Variants in OPHN1 observed in about 807,000 individuals in gnomAD.
OPHN1 encodes the protein oligophrenin-1.
A neutral mutation model predicts 60.7 loss-of-function variants in OPHN1; 11 were observed. That is an observed-to-expected ratio of 0.18 (90% confidence interval 0.11 to 0.30). The LOEUF (loss-of-function observed/expected upper bound fraction) is 0.30. Ranked by LOEUF, OPHN1 falls within the 10% of genes least tolerant of loss-of-function variation. The pLI, the probability that OPHN1 is intolerant of heterozygous loss-of-function variation, is 1.00. For synonymous variants in OPHN1, 226 were observed against 222.6 expected, an observed-to-expected ratio of 1.02 and a Z score of -0.14; for missense variants, 449 against 611.0, an observed-to-expected ratio of 0.73 and a Z score of 2.80.
At chrX:68,251,958 T>C (rs1357393996) in intron 5 of OPHN1, among the ~76,000 whole-genome samples, 2 of 112,391 alleles carry the variant, frequency 1.8e-5, no homozygotes, top group African/African-American at 6.5e-5. Flanking sequence ...TTTCACCTCC[T>C]TACTGATGTT....
At chrX:68,348,536 C>CA (rs751968651) in intron 2 of OPHN1, among the ~76,000 whole-genome samples, 29,996 of 103,298 alleles carry the variant, frequency 0.29, 4,987 homozygotes, top group African/African-American at 0.63. Context: ...TAGAATATGT[C>CA]AAAAAAAAAA....
intron 3 of OPHN1, among the ~76,000 whole-genome samples, chrX:68,294,950 G>A (rs1446031051): frequency 8.0e-5 from 9 of 111,815 alleles, no homozygotes; most frequent in East Asian, 2.8e-4. Flanking sequence ...AATATAAACC[G>A]CTGTTTCATT....
At chrX:68,334,029 C>G (rs190355522) in intron 2 of OPHN1, among the ~76,000 whole-genome samples, 1 of 108,892 alleles carries the variant, frequency 9.2e-6, no homozygotes, top group East Asian at 2.9e-4. Flanking sequence ...TCCCAAGAAG[C>G]TGGGACTACA....
chrX:68,139,462 G>T (rs1002668059), intron 15 of OPHN1, among the ~76,000 whole-genome samples: 2 of 111,176 alleles, frequency 1.8e-5, no homozygotes, highest in African/African-American at 6.5e-5. Context: ...GTTATTTTTT[G>T]ATAATTGTTG....
chrX:68,067,136 T>C (rs932643457), intron 20 of OPHN1, among the ~76,000 whole-genome samples: 4 of 111,669 alleles, frequency 3.6e-5, no homozygotes, highest in Non-Finnish European at 7.5e-5. Context: ...TGCAAATAAG[T>C]GCTAGGAGTA....
intron 15 of OPHN1, among the ~76,000 whole-genome samples, chrX:68,147,082 C>T (rs1020398004): frequency 8.9e-6 from 1 of 111,789 alleles, no homozygotes; most frequent in African/African-American, 3.2e-5. Context: ...AACTGCAAGA[C>T]CCCTTCACCC....
chrX:68,253,572 T>C (rs1350298024), intron 5 of OPHN1, among the ~76,000 whole-genome samples: 1 of 111,887 alleles, frequency 8.9e-6, no homozygotes, highest in African/African-American at 3.3e-5. Context: ...ACTAATAACT[T>C]TGAAGGTCTC....
At chrX:68,394,479 T>A (rs2078672917) in intron 2 of OPHN1, among the ~76,000 whole-genome samples, 2 of 112,163 alleles carry the variant, frequency 1.8e-5, no homozygotes, top group African/African-American at 6.5e-5. Context: ...TTTATCTAGT[T>A]AACAAAAAAT....
intron 3 of OPHN1, among the ~76,000 whole-genome samples, chrX:68,297,232 A>G (rs1323262060): frequency 4.5e-5 from 5 of 111,978 alleles, no homozygotes; most frequent in African/African-American, 1.6e-4. Flanking sequence ...AATACCTAAC[A>G]TTCATTTAGA....
At chrX:68,244,086 C>T (rs1256240158) in intron 5 of OPHN1, among the ~76,000 whole-genome samples, 4 of 112,665 alleles carry the variant, frequency 3.6e-5, no homozygotes, top group Non-Finnish European at 7.5e-5. Flanking sequence ...AACACTCTCT[C>T]ATCAGTGTTC....
At chrX:68,334,967 C>A (rs929601165) in intron 2 of OPHN1, among the ~76,000 whole-genome samples, 7 of 108,349 alleles carry the variant, frequency 6.5e-5, no homozygotes, top group African/African-American at 2.3e-4. Context: ...CAGAATAAGA[C>A]CCTGTCTCAA....
At chrX:68,189,043 G>A (rs772457447) in intron 15 of OPHN1, among the ~76,000 whole-genome samples, 103 of 112,217 alleles carry the variant, frequency 9.2e-4, no homozygotes, top group Non-Finnish European at 1.5e-3. Context: ...TACTTCACTC[G>A]TTACAGCAGG....
chrX:68,182,188 GTTTTTTT>G (rs397951860), intron 15 of OPHN1, among the ~76,000 whole-genome samples: 11 of 46,133 alleles, frequency 2.4e-4, no homozygotes, highest in African/African-American at 8.3e-4. Context: ...AAGCTCTGTA[GTTTTTTT>G]TTTTTTTTTT....
chrX:68,417,698 A>G (rs926803246), intron 2 of OPHN1, among the ~76,000 whole-genome samples: 4 of 112,588 alleles, frequency 3.6e-5, no homozygotes, highest in African/African-American at 9.7e-5. Context: ...TAGAAATATT[A>G]AAGGCACAGT....
At chrX:68,355,026 C>T (rs1346937655) in intron 2 of OPHN1, among the ~76,000 whole-genome samples, 1 of 112,053 alleles carries the variant, frequency 8.9e-6, no homozygotes, top group Non-Finnish European at 1.9e-5. Context: ...TCAGTGGCAT[C>T]AGACTGGAGA....
At chrX:68,206,421 C>G in intron 10 of OPHN1, 152 bp downstream of exon 10, 1 of 491,620 alleles carries the variant, frequency 2.0e-6, no homozygotes, top group Non-Finnish European at 3.6e-6. Flanking sequence ...TCAGTGCTAT[C>G]TGACTCAAAC....
At chrX:68,303,545 G>A (rs2078130825) in intron 2 of OPHN1, among the ~76,000 whole-genome samples, 1 of 109,623 alleles carries the variant, frequency 9.1e-6, no homozygotes, top group East Asian at 2.9e-4. Context: ...CTACTTGAGA[G>A]GCTGAGGCAG....
chrX:68,387,256 C>T (rs1376520970), intron 2 of OPHN1, among the ~76,000 whole-genome samples: 2 of 107,591 alleles, frequency 1.9e-5, no homozygotes, highest in Non-Finnish European at 3.8e-5. Context: ...CCTCCATGGG[C>T]AAGTCGTGAT....
chrX:68,395,726 C>T (rs1347244857), intron 2 of OPHN1, among the ~76,000 whole-genome samples: 1 of 111,034 alleles, frequency 9.0e-6, no homozygotes, highest in African/African-American at 3.3e-5. Context: ...GGATTACAGG[C>T]GTGAGCCACC....
Sources: allele counts gnomAD v4.1 joint callset (sites outside exome capture counted in the v4.1 genomes callset), GRCh38; gene constraint gnomAD v4.1.1; transcripts MANE v1.5; gene names NCBI Gene and HGNC (gene_info 2026-07-23, HGNC 2026-07-21).